DLG5: variants seen among roughly 807,000 people sequenced by gnomAD.
The protein encoded by DLG5 is disks large homolog 5.
Under a neutral mutation model 189.8 loss-of-function variants are expected in DLG5, and 48 were observed. The ratio of observed to expected loss-of-function variants is 0.25; its 90% CI spans 0.20 to 0.32. The LOEUF (loss-of-function observed/expected upper bound fraction) is 0.32. Ranked by LOEUF, DLG5 falls within the 10% of genes least tolerant of loss-of-function variation. The probability of loss-of-function intolerance (pLI) is 1.00; values close to 1 mark genes in which losing one functional copy is unlikely to be tolerated. For synonymous variants in DLG5, 1,016 were observed against 1,054.1 expected (o/e 0.96, Z 0.70); for missense variants, 2,160 against 2,544.7 (o/e 0.85, Z 3.25).
intron 9 of DLG5, among the ~76,000 whole-genome samples, chr10:77,832,765 C>T (rs1305442552): frequency 6.6e-6 from 1 of 152,214 alleles, no homozygotes; most frequent in South Asian, 2.1e-4. Flanking sequence ...GTCCCATGTT[C>T]ACGGCCAGAG....
At chr10:77,882,488 T>C (rs1187514072) in intron 1 of DLG5, among the ~76,000 whole-genome samples, 1 of 152,168 alleles carries the variant, frequency 6.6e-6, no homozygotes, top group Non-Finnish European at 1.5e-5. Context: ...TCTTTCCCAG[T>C]CTTCCTTCAT....
chr10:77,814,136 C>A (rs988165958), intron 20 of DLG5, among the ~76,000 whole-genome samples: 1 of 151,986 alleles, frequency 6.6e-6, no homozygotes, highest in Non-Finnish European at 1.5e-5. Context: ...CACCATCACG[C>A]CCAGCTAATT....
intron 1 of DLG5, among the ~76,000 whole-genome samples, chr10:77,918,719 C>A (rs1000920832): frequency 2.0e-5 from 3 of 152,162 alleles, no homozygotes; most frequent in Non-Finnish European, 2.9e-5. Context: ...TCCAATTTCC[C>A]CCCAGCGCAA....
At chr10:77,792,649 G>C in intron 31 of DLG5, 106 bp from the exon 32 acceptor site, 1 of 1,030,746 alleles carries the variant, frequency 9.7e-7, no homozygotes, top group Non-Finnish European at 1.5e-6. Context: ...TGTCTGCTTT[G>C]TGCTCCTTGG....
chr10:77,880,963 T>G (rs1026741239), intron 1 of DLG5, among the ~76,000 whole-genome samples: 2 of 18,950 alleles, frequency 1.1e-4, no homozygotes, highest in Non-Finnish European at 9.1e-5. Flanking sequence ...ACCCTAGACC[T>G]TTTTTTTTTT....
intron 22 of DLG5, among the ~76,000 whole-genome samples, 164 bp downstream of exon 22, chr10:77,811,760 T>C (rs1159463859): frequency 6.6e-6 from 1 of 152,178 alleles, no homozygotes; most frequent in Non-Finnish European, 1.5e-5. Flanking sequence ...CCTCTCTATA[T>C]ATGCCCCTTT....
intron 1 of DLG5, among the ~76,000 whole-genome samples, chr10:77,916,038 G>A (rs1405246930): frequency 6.6e-6 from 1 of 151,928 alleles, no homozygotes; most frequent in Admixed American, 6.6e-5. Context: ...GCAATATAGT[G>A]AGACCTTGTC....
At position 77,834,005 on chromosome 10, in the gene DLG5, G is replaced by T; in HGVS notation, c.1657C>A (p.Arg553Ser). ...GCCTCAGCCAGCTCGCTCACCGCAC[G>T]GTCCCGCTCCCGCCTCAGGTTGTCA... ...LCDNLRRERD[R>S]AVSELAEALR... The change falls in exon 9 of 32, where the codon CGT becomes AGT. Residue 553 changes from arginine to serine, a missense_variant. Around this residue, in one of 5 missense-constraint regions of DLG5, gnomAD observed 664 missense variants for 838.5 expected, o/e 0.79. Transcript: ENST00000372391. The T allele has an allele frequency of 6.2e-7, 1 of 1,609,352 alleles. No homozygotes were observed.
At chr10:77,822,212 C>T in intron 14 of DLG5, 111 bp from the exon 15 acceptor site, 1 of 1,247,234 alleles carries the variant, frequency 8.0e-7, no homozygotes, top group South Asian at 1.5e-5. Context: ...GGCCACCTGC[C>T]CCTTAAAAAA....
intron 1 of DLG5, among the ~76,000 whole-genome samples, chr10:77,925,183 A>G (rs1171445082): frequency 6.6e-6 from 1 of 152,236 alleles, no homozygotes; most frequent in Non-Finnish European, 1.5e-5. Flanking sequence ...CTGGTGCCCA[A>G]TACTTTCTGA....
At chr10:77,854,499 G>A (rs1402028917) in intron 3 of DLG5, 129 bp from the exon 4 acceptor site, 2 of 1,235,588 alleles carry the variant, frequency 1.6e-6, no homozygotes, top group Non-Finnish European at 2.2e-6. Flanking sequence ...CACACACCTG[G>A]GTGTTTGTTA....
chr10:77,817,811 A>G lies in DLG5; in HGVS notation c.3750T>C (p.His1250=). 6.4e-7 allele frequency: 1 copy of G among 1,555,724 alleles called. No homozygotes were observed. The highest frequency in any genetic ancestry group is 8.7e-7 in the Non-Finnish European group (1 of 1,148,974). ...CSDYSEMRAT[H]GSNSLPSSAR... The stretch of plus-strand genomic sequence containing the variant: ...CGCTGGAGGGCAGTGAGTTGGACCC[A>G]TGGGTGGCTCTCATCTCGGAGTAGT... The change falls in exon 18 of 32, where the codon CAT becomes CAC. Residue 1250 remains histidine, a synonymous_variant. Transcript: ENST00000372391.
intron 1 of DLG5, among the ~76,000 whole-genome samples, chr10:77,872,587 T>C (rs1844943746): frequency 6.6e-6 from 1 of 152,058 alleles, no homozygotes; most frequent in South Asian, 2.1e-4. Flanking sequence ...GCCTTGGACG[T>C]CATTAAGGGG....
intron 11 of DLG5, 45 bp downstream of exon 11, chr10:77,830,172 A>G (rs1208038916): frequency 3.1e-6 from 5 of 1,611,576 alleles, no homozygotes; most frequent in African/African-American, 1.3e-5. Flanking sequence ...TGCACTGGGA[A>G]GAAGGGCCCC....
chr10:77,873,013 ATG>A (rs112644933), intron 1 of DLG5, among the ~76,000 whole-genome samples: 13 of 124,786 alleles, frequency 1.0e-4, no homozygotes, highest in African/African-American at 2.0e-4. Flanking sequence ...CAGCCTCCTG[ATG>A]TGTGTGTGTG....
Position 77,821,420 on chromosome 10 carries a change from T to G in DLG5, c.3064A>C (p.Ile1022Leu). ...PPKPPRRSDS[I>L]KFQHRLETSS... ...GTCTCCAGCCTGTGCTGGAACTTAA[T>G]GGAGTCGCTCCTTCTGGGAGGTTTT... is the stretch of plus-strand genomic sequence containing the variant. Residue 1022 changes from isoleucine (I) to leucine (L), a missense_variant, in exon 15 of 32, where the codon ATT becomes CTT. Coordinates refer to ENST00000372391, the MANE Select transcript of DLG5 (RefSeq NM_004747.4). 1 of 1,612,736 alleles carries G rather than the reference T, an allele frequency of 6.2e-7. No individual in the cohort carries two copies.
chr10:77,792,405 C>A lies in DLG5; in HGVS notation c.*35G>T. ...GAGCTGAGTCTGGTGTCCCCTCAGG[C>A]GGCCAGCTGCAGTCATCCACAGCAC... On this transcript the variant is annotated 3_prime_UTR_variant, in exon 32 of 32. Coordinates refer to ENST00000372391, the MANE Select transcript of DLG5 (RefSeq NM_004747.4). 6.3e-7 allele frequency: 1 copy of A among 1,591,800 alleles called. No homozygotes were observed. The highest frequency in any genetic ancestry group is 1.1e-5 in the South Asian group (1 of 90,658).
At chr10:77,905,426 C>T (rs1484882133) in intron 1 of DLG5, among the ~76,000 whole-genome samples, 1 of 152,236 alleles carries the variant, frequency 6.6e-6, no homozygotes, top group Admixed American at 6.5e-5. Flanking sequence ...ACAAGCACTG[C>T]TGATGCATAT....
chr10:77,799,478 C>T (rs577766997), intron 27 of DLG5, among the ~76,000 whole-genome samples: 20 of 152,154 alleles, frequency 1.3e-4, no homozygotes, highest in Admixed American at 3.3e-4. Context: ...GAGGCAGCTG[C>T]GTACAAGGCA....
Sources: allele counts gnomAD v4.1 joint callset (sites outside exome capture counted in the v4.1 genomes callset), GRCh38; gene constraint gnomAD v4.1.1; regional missense constraint gnomAD v4.1.1; transcripts MANE v1.5; gene names NCBI Gene and HGNC (gene_info 2026-07-23, HGNC 2026-07-21).